The following C10orf67 variants were observed in gnomAD, a reference collection of about 807,000 sequenced individuals.
C10orf67 encodes uncharacterized protein C10orf67, mitochondrial.
In C10orf67, 60 loss-of-function variants were observed where a neutral mutation model predicts 35.6. That is an observed-to-expected ratio of 1.68 (90% confidence interval 1.37 to 2.09). The LOEUF is 2.09. Ranked by LOEUF, C10orf67 falls within the 30% of genes most tolerant of loss-of-function variation. The probability of loss-of-function intolerance (pLI) is 0.00; values close to 1 mark genes in which losing one functional copy is unlikely to be tolerated. For missense variants in C10orf67, 474 were observed against 330.2 expected (o/e 1.44, Z -3.38); for synonymous variants, 167 against 115.8 (o/e 1.44, Z -2.84).
At chr10:23,306,948 C>T (rs2132295849) in intron 4 of C10orf67, among the ~76,000 whole-genome samples, 1 of 152,254 alleles carries the variant, frequency 6.6e-6, no homozygotes, top group East Asian at 1.9e-4. Context: ...GAATATCCTA[C>T]TTTAATATTC....
intron 5 of C10orf67, among the ~76,000 whole-genome samples, chr10:23,302,166 A>G (rs2132283771): frequency 6.6e-6 from 1 of 152,088 alleles, no homozygotes; most frequent in South Asian, 2.1e-4. Context: ...GTAGCCCTCT[A>G]TGTGTATTAA....
At chr10:23,311,378 T>C (rs1844487190) in intron 4 of C10orf67, among the ~76,000 whole-genome samples, 1 of 152,194 alleles carries the variant, frequency 6.6e-6, no homozygotes, top group South Asian at 2.1e-4. Flanking sequence ...CAAAGTTCAA[T>C]CAGGCTGCAC....
chr10:23,282,186 C>G (rs1843390135), intron 7 of C10orf67, 108 bp from the exon 8 acceptor site: 1 of 376,938 alleles, frequency 2.7e-6, no homozygotes, highest in African/African-American at 2.1e-5. Flanking sequence ...AAAAATGGAT[C>G]TCAATCTGAT....
intron 12 of C10orf67, among the ~76,000 whole-genome samples, chr10:23,241,370 T>C (rs909377468): frequency 6.6e-6 from 1 of 152,212 alleles, no homozygotes; most frequent in African/African-American, 2.4e-5. Flanking sequence ...CTTCTGAAGC[T>C]GATAACACTT....
At chr10:23,299,148 A>G (rs969912109) in intron 5 of C10orf67, among the ~76,000 whole-genome samples, 3 of 152,150 alleles carry the variant, frequency 2.0e-5, no homozygotes, top group African/African-American at 7.2e-5. Flanking sequence ...GTATAGAGGA[A>G]CAACAGACTC....
intron 5 of C10orf67, among the ~76,000 whole-genome samples, chr10:23,298,730 T>A (rs951206193): frequency 6.6e-6 from 1 of 152,214 alleles, no homozygotes; most frequent in African/African-American, 2.4e-5. Context: ...TTTAACCTGC[T>A]GTGAGCAGAG....
At chr10:23,333,269 T>C in intron 1 of C10orf67, 87 bp from the exon 2 acceptor site, 1 of 1,283,220 alleles carries the variant, frequency 7.8e-7, no homozygotes, top group Non-Finnish European at 1.1e-6. Flanking sequence ...GTGTAAATCA[T>C]ATCGTATTTT....
chr10:23,267,730 C>T (rs538531036), intron 8 of C10orf67, among the ~76,000 whole-genome samples: 11 of 151,866 alleles, frequency 7.2e-5, no homozygotes, highest in African/African-American at 2.4e-4. Flanking sequence ...CATGGTGAAA[C>T]CCCATCTCTA....
At chr10:23,228,944 G>A (rs1203347273) in intron 13 of C10orf67, among the ~76,000 whole-genome samples, 1 of 152,166 alleles carries the variant, frequency 6.6e-6, no homozygotes, top group East Asian at 1.9e-4. Context: ...ACAGGTGCTG[G>A]AGACGATGAG....
chr10:23,318,781 A>G, intron 4 of C10orf67: 1 of 679,138 alleles, frequency 1.5e-6, no homozygotes, highest in Admixed American at 2.3e-5. Flanking sequence ...TATCTCATGA[A>G]TAAGAGGCCA....
intron 7 of C10orf67, among the ~76,000 whole-genome samples, chr10:23,289,096 A>G (rs1843635231): frequency 6.6e-6 from 1 of 152,168 alleles, no homozygotes; most frequent in East Asian, 1.9e-4. Context: ...GGAGAGCAGG[A>G]ATTGCTGAGA....
intron 4 of C10orf67, among the ~76,000 whole-genome samples, chr10:23,306,093 T>C (rs181809148): frequency 6.6e-6 from 1 of 152,158 alleles, no homozygotes; most frequent in Admixed American, 6.5e-5. Context: ...AAGAAGGATA[T>C]CTTGCTATTT....
intron 13 of C10orf67, among the ~76,000 whole-genome samples, chr10:23,227,921 G>T (rs1841786602): frequency 6.6e-6 from 1 of 152,106 alleles, no homozygotes; most frequent in East Asian, 1.9e-4. Flanking sequence ...ACAAACCACT[G>T]CTCATCGAAA....
In C10orf67 at chr10:23,203,865, T is replaced by C. The variant is rs1345593211; in HGVS notation, c.*308A>G. The stretch of plus-strand genomic sequence containing the variant: ...ATTAAAGTCCGTCCCTTCCCACTCT[T>C]AGACGCCTGGGCTCTTCTGAGTCCC... On this transcript the variant is annotated 3_prime_UTR_variant, in exon 16 of 16. Transcript: ENST00000636213. The C allele has an allele frequency of 1.2e-5, 3 of 246,644 alleles. No homozygotes were observed. The East Asian group carries it at 2.3e-4, about 19-fold the overall frequency. 15.3% of individuals were successfully genotyped at this position (246,644 alleles called of 1,614,324 possible). A position where few individuals can be genotyped will look rare whatever the true frequency, so the allele number is the denominator to read the frequency against.
intron 15 of C10orf67, among the ~76,000 whole-genome samples, chr10:23,222,219 C>G (rs1458797704): frequency 6.6e-6 from 1 of 152,088 alleles, no homozygotes; most frequent in East Asian, 1.9e-4. Context: ...AGTGGGGCTG[C>G]CTTATGTGTC....
intron 10 of C10orf67, among the ~76,000 whole-genome samples, chr10:23,265,617 G>A (rs1392706275): frequency 6.6e-6 from 1 of 152,246 alleles, no homozygotes; most frequent in Non-Finnish European, 1.5e-5. Flanking sequence ...GCAGAAGGCT[G>A]TAGAGATACA....
rs937957618 is a variant in C10orf67, at chr10:23,318,994, CT to C, written c.546+1746del. 2.5e-4 allele frequency: 179 copies of C among 717,464 alleles called. 1 individual carries two copies. The highest frequency in any genetic ancestry group is 4.6e-4 in the Middle Eastern group (2 of 4,376). 44.4% of individuals were successfully genotyped at this position (717,464 alleles called of 1,614,324 possible). A position where few individuals can be genotyped will look rare whatever the true frequency, so the allele number is the denominator to read the frequency against. ...AAAGAAAGGGTCTTCCATGAGAACC[CT>C]TTTTTTTCTTTCCAATTTTTGTTTT... On this transcript the variant is annotated intron_variant, in intron 4 of 15. Transcript: ENST00000636213.
intron 1 of C10orf67, among the ~76,000 whole-genome samples, chr10:23,341,797 T>G (rs559889236): frequency 6.6e-6 from 1 of 152,084 alleles, no homozygotes; most frequent in Non-Finnish European, 1.5e-5. Flanking sequence ...GATAGATCCT[T>G]AGGGCTCCCC....
At chr10:23,253,663 TA>T (rs959741033) in intron 10 of C10orf67, among the ~76,000 whole-genome samples, 134 of 151,772 alleles carry the variant, frequency 8.8e-4, no homozygotes, top group South Asian at 1.5e-3. Context: ...AATGCTTATT[TA>T]AAAAAAAACT....
Sources: allele counts gnomAD v4.1 joint callset (sites outside exome capture counted in the v4.1 genomes callset), GRCh38; gene constraint gnomAD v4.1.1; transcripts MANE v1.5; gene names NCBI Gene and HGNC (gene_info 2026-07-23, HGNC 2026-07-21).